KIAA1217: variants seen among roughly 807,000 people sequenced by gnomAD.
The protein encoded by KIAA1217 is KIAA1217, also known as sickle tail protein homolog.
In KIAA1217, 88 loss-of-function variants were observed where a neutral mutation model predicts 163.9. That is an observed-to-expected ratio of 0.54 (90% confidence interval 0.45 to 0.64). The LOEUF (loss-of-function observed/expected upper bound fraction) is 0.64. KIAA1217 is among the 30% of genes least tolerant of loss of function. The pLI, the probability that KIAA1217 is intolerant of heterozygous loss-of-function variation, is 0.00. For missense variants in KIAA1217, 2,372 were observed against 2,475.0 expected, an observed-to-expected ratio of 0.96 and a Z score of 0.88; for synonymous variants, 903 against 923.1, an observed-to-expected ratio of 0.98 and a Z score of 0.39.
chr10:24,015,319 T>G (rs1470776657), intron 2 of KIAA1217, among the ~76,000 whole-genome samples: 1 of 152,136 alleles, frequency 6.6e-6, no homozygotes, highest in African/African-American at 2.4e-5. Flanking sequence ...GATTTACTGT[T>G]GATGTGATCC....
intron 3 of KIAA1217, among the ~76,000 whole-genome samples, chr10:24,424,627 C>T (rs145555610): frequency 0.019 from 2,899 of 152,216 alleles, 93 homozygotes; most frequent in African/African-American, 0.066. Context: ...TTTTTTGAGA[C>T]GGAGTCTCAC....
At chr10:24,329,946 T>G (rs1452166921) in intron 2 of KIAA1217, among the ~76,000 whole-genome samples, 11 of 152,142 alleles carry the variant, frequency 7.2e-5, no homozygotes, top group Admixed American at 7.2e-4. Context: ...GACTTAGAAC[T>G]TGCTTAACTT....
intron 1 of KIAA1217, among the ~76,000 whole-genome samples, chr10:23,842,539 T>G: frequency 6.6e-6 from 1 of 152,098 alleles, no homozygotes; most frequent in East Asian, 1.9e-4. Context: ...GGCTAAGAAA[T>G]AATTTGCCCT....
intron 1 of KIAA1217, among the ~76,000 whole-genome samples, chr10:23,860,016 A>T (rs77131908): frequency 0.011 from 1,723 of 151,848 alleles, 39 homozygotes; most frequent in African/African-American, 0.04. Flanking sequence ...ATGCTGACAT[A>T]GTCACTTGTC....
chr10:24,403,166 G>A (rs1039783045), intron 3 of KIAA1217, among the ~76,000 whole-genome samples: 5 of 152,158 alleles, frequency 3.3e-5, no homozygotes, highest in Non-Finnish European at 5.9e-5. Flanking sequence ...TTTCTTAGAC[G>A]TGACAGCAGA....
At chr10:23,789,292 G>A (rs1245082530) in intron 1 of KIAA1217, among the ~76,000 whole-genome samples, 1 of 152,160 alleles carries the variant, frequency 6.6e-6, no homozygotes, top group Non-Finnish European at 1.5e-5. Flanking sequence ...AGACTACTGT[G>A]TGAGTAATCT....
intron 2 of KIAA1217, among the ~76,000 whole-genome samples, chr10:24,344,297 TCACA>T (rs756980494): frequency 1.2e-4 from 18 of 152,230 alleles, no homozygotes; most frequent in Non-Finnish European, 1.8e-4. Context: ...CTGTACCTAC[TCACA>T]CACACATTTG....
intron 2 of KIAA1217, among the ~76,000 whole-genome samples, chr10:24,281,869 A>G (rs959634505): frequency 2.6e-5 from 4 of 152,190 alleles, no homozygotes; most frequent in Non-Finnish European, 5.9e-5. Context: ...CAGCATGGCT[A>G]ACACGGTGAA....
chr10:24,267,024 C>T (rs2076302101), intron 2 of KIAA1217, among the ~76,000 whole-genome samples: 2 of 152,224 alleles, frequency 1.3e-5, no homozygotes, highest in Admixed American at 6.5e-5. Flanking sequence ...CTACCCACAT[C>T]TTCCCCTATG....
intron 1 of KIAA1217, among the ~76,000 whole-genome samples, chr10:24,215,639 A>C (rs1242939642): frequency 6.6e-6 from 1 of 152,150 alleles, no homozygotes; most frequent in Non-Finnish European, 1.5e-5. Flanking sequence ...CACTGAAAAG[A>C]CCACATTCTC....
At chr10:24,192,983 T>G (rs142130320) in intron 2 of KIAA1217, among the ~76,000 whole-genome samples, 388 of 152,274 alleles carry the variant, frequency 2.5e-3, no homozygotes, top group African/African-American at 9.0e-3. Flanking sequence ...AGTCTTGCTA[T>G]GTTGCACAGG....
At chr10:23,914,696 C>T (rs1366533741) in intron 1 of KIAA1217, among the ~76,000 whole-genome samples, 1 of 152,142 alleles carries the variant, frequency 6.6e-6, no homozygotes, top group Non-Finnish European at 1.5e-5. Context: ...GTGATCCTCC[C>T]TCCCCTCTTT....
At chr10:23,920,954 G>T (rs1046744893) in intron 1 of KIAA1217, among the ~76,000 whole-genome samples, 1 of 152,120 alleles carries the variant, frequency 6.6e-6, no homozygotes, top group Non-Finnish European at 1.5e-5. Flanking sequence ...ACACTCTCTT[G>T]CCTGCCACCA....
chr10:23,779,660 A>G (rs1396939375), intron 1 of KIAA1217, among the ~76,000 whole-genome samples: 1 of 152,120 alleles, frequency 6.6e-6, no homozygotes, highest in Non-Finnish European at 1.5e-5. Context: ...ACATCCTTTT[A>G]TACATGCATG....
chr10:24,251,856 TAAAAAAAAAA>T (rs34540873), intron 2 of KIAA1217, among the ~76,000 whole-genome samples: 1 of 119,742 alleles, frequency 8.4e-6, no homozygotes, highest in East Asian at 2.4e-4. Flanking sequence ...CTGCATCTGT[TAAAAAAAAAA>T]AAAAAAAAAA....
intron 1 of KIAA1217, among the ~76,000 whole-genome samples, chr10:23,980,919 G>T (rs78584183): frequency 0.014 from 2,058 of 152,252 alleles, 41 homozygotes; most frequent in African/African-American, 0.045. Context: ...AGATCAATGG[G>T]TGTGGTTACC....
intron 1 of KIAA1217, among the ~76,000 whole-genome samples, chr10:23,737,541 C>A (rs1838881283): frequency 6.6e-6 from 1 of 152,058 alleles, no homozygotes; most frequent in African/African-American, 2.4e-5. Flanking sequence ...TCTAAATTTT[C>A]TCCCATTGCC....
chr10:23,838,741 G>T (rs1452103062), intron 1 of KIAA1217, among the ~76,000 whole-genome samples: 1 of 152,156 alleles, frequency 6.6e-6, no homozygotes, highest in Non-Finnish European at 1.5e-5. Flanking sequence ...GATAACAGGC[G>T]TGAACCAGCA....
intron 1 of KIAA1217, among the ~76,000 whole-genome samples, chr10:23,825,164 G>C (rs767287833): frequency 1.3e-5 from 2 of 152,208 alleles, no homozygotes; most frequent in East Asian, 3.9e-4. Flanking sequence ...CCTATTAGTG[G>C]TATTAGAAAA....
Sources: gnomAD v4.1 joint callset for allele counts (sites outside exome capture counted in the v4.1 genomes callset) on GRCh38, gnomAD v4.1.1 for gene constraint, MANE v1.5 for transcripts, NCBI Gene and HGNC (gene_info 2026-07-23, HGNC 2026-07-21) for gene names.